Variants in RSRP1 observed in about 807,000 individuals in gnomAD.
The protein encoded by RSRP1 is arginine/serine-rich protein 1.
RSRP1 carries 37 observed loss-of-function variants against 33.0 expected under a neutral mutation model. That is an observed-to-expected ratio of 1.12 (90% confidence interval 0.86 to 1.48). The LOEUF is 1.48. Ranked by LOEUF, RSRP1 falls within the 40% of genes most tolerant of loss-of-function variation. The pLI is 0.00. For synonymous variants in RSRP1, 167 were observed against 158.7 expected (o/e 1.05, Z -0.40); for missense variants, 402 against 385.3 (o/e 1.04, Z -0.36).
At position 25,330,810 on chromosome 1, in the gene RSRP1, T is replaced by C. The variant is rs149592553; in HGVS notation, c.-67+7168A>G. Among the ~76,000 whole-genome samples the C allele has an allele frequency of 6.8e-3, 887 of 130,790 alleles. 133 individuals carry two copies. Among genetic ancestry groups the C allele is most frequent in the African/African-American group, 0.022 (847 of 38,390 alleles). 85.8% of individuals were successfully genotyped at this position (130,790 alleles called of 152,430 possible). A position where few individuals can be genotyped will look rare whatever the true frequency, so the allele number is the denominator to read the frequency against. On this transcript the variant is annotated intron_variant, in intron 1 of 1. Transcript: ENST00000561867. ...ACTTAAACAACAGAAATTTATTTCC[T>C]TATAGTTCTGGAGGCTGGAAGTTCA... is the stretch of plus-strand genomic sequence containing the variant.
Position 25,270,277 on chromosome 1 carries a change from G to C in RSRP1, c.-66-23248C>G, listed in dbSNP as rs1293078503. Reference sequence around the variant, plus strand: ...AGAAGCCCATGTTCCTAGACTTTTAGAATTGGAAGAAGACTTAGAAGTAAT... The same window carrying C: ...AGAAGCCCATGTTCCTAGACTTTTACAATTGGAAGAAGACTTAGAAGTAAT... On this transcript the variant is annotated intron_variant, in intron 1 of 1. Coordinates refer to the RSRP1 transcript ENST00000561867. Among the ~76,000 whole-genome samples, 3 of 129,744 alleles carry C rather than the reference G, an allele frequency of 2.3e-5. 1 individual carries two copies. The highest frequency in any genetic ancestry group is 8.0e-5 in the African/African-American group (3 of 37,562). The allele number at this position is 129,744 out of a possible 152,430, so 85.1% of individuals were successfully genotyped here.
intron 1 of RSRP1, among the ~76,000 whole-genome samples, chr1:25,319,847 C>G (rs558633166): frequency 7.6e-6 from 1 of 132,070 alleles, no homozygotes; most frequent in Admixed American, 7.4e-5. Flanking sequence ...GTAAAGTACA[C>G]CAGCAGAAGT....
At position 25,254,538 on chromosome 1, in the gene RSRP1, C is replaced by T. The variant is rs554372582; in HGVS notation, c.-66-7509G>A. 6.6e-5 allele frequency among the ~76,000 whole-genome samples: 10 copies of T among 152,266 alleles called. No homozygotes were observed. The East Asian group carries it at 9.6e-4, about 15-fold the overall frequency. On this transcript the variant is annotated intron_variant, in intron 1 of 1. Transcript: ENST00000561867. ...GCAACTTCCACCTCCCCAGTTCAAG[C>T]GATTCTCCTGCCTCAGCCTCCTGAG...
chr1:25,257,529 A>G (rs944993694), intron 1 of RSRP1, among the ~76,000 whole-genome samples: 1 of 152,178 alleles, frequency 6.6e-6, no homozygotes, highest in African/African-American at 2.4e-5. Flanking sequence ...GGGATAGAAG[A>G]AAAACTAGCT....
At chr1:25,314,511 T>G (rs1430292377) in intron 1 of RSRP1, among the ~76,000 whole-genome samples, 1 of 132,612 alleles carries the variant, frequency 7.5e-6, no homozygotes, top group African/African-American at 2.6e-5. Flanking sequence ...TCTTTCTTTT[T>G]GAAACAGAGT....
chr1:25,315,532 T>C (rs1353243028), intron 1 of RSRP1, among the ~76,000 whole-genome samples: 2 of 122,020 alleles, frequency 1.6e-5, no homozygotes, highest in East Asian at 4.0e-4. Context: ...AGTCTCGCTG[T>C]GTTGCCCAGG....
rs71014353 is a variant in RSRP1, at chr1:25,330,953, C to CTTT, written c.-67+7022_-67+7024dup. Among the ~76,000 whole-genome samples, 90 of 34,732 alleles carry CTTT rather than the reference C, an allele frequency of 2.6e-3. 9 individuals are homozygous for CTTT. The highest frequency in any genetic ancestry group is 4.4e-3 in the Non-Finnish European group (77 of 17,356). The allele number at this position is 34,732 out of a possible 152,430, so 22.8% of individuals were successfully genotyped here. On this transcript the variant is annotated intron_variant, in intron 1 of 1. Coordinates refer to the RSRP1 transcript ENST00000561867. ...CTTTTACACTTCTGGTGTCATCTTC[C>CTTT]TTTTTTTTTTTTTTTTTTTTTTTTT...
At chr1:25,245,554 T>A (rs1364597277) in intron 2 of RSRP1, among the ~76,000 whole-genome samples, 1 of 152,202 alleles carries the variant, frequency 6.6e-6, no homozygotes, top group Non-Finnish European at 1.5e-5. Flanking sequence ...AAACCCCAAG[T>A]GTGCGCGAGG....
At chr1:25,280,579 T>A (rs1641398488) in intron 1 of RSRP1, among the ~76,000 whole-genome samples, 1 of 125,108 alleles carries the variant, frequency 8.0e-6, no homozygotes, top group Non-Finnish European at 1.9e-5. Flanking sequence ...GTGCTAGGAT[T>A]ACAGACATAA....
Position 25,242,499 on chromosome 1 carries a change from G to A in RSRP1, c.*90C>T, listed in dbSNP as rs1052515777. On this transcript the variant is annotated 3_prime_UTR_variant, in exon 5 of 5. Coordinates refer to ENST00000243189, the MANE Select transcript of RSRP1 (RefSeq NM_020317.5). ...GGTTTTTAAATGCACAAGTACCCCT[G>A]AATGGCTCAAAGGGATGGGATAATG... 1 of 763,436 alleles carries A rather than the reference G, an allele frequency of 1.3e-6. No individual in the cohort carries two copies. The highest frequency in any genetic ancestry group is 2.2e-6 in the Non-Finnish European group (1 of 453,690). The allele number at this position is 763,436 out of a possible 1,614,324, so 47.3% of individuals were successfully genotyped here.
In RSRP1 at chr1:25,243,562, A is replaced by T. The variant is rs1214891402; in HGVS notation, c.744T>A (p.Ala248=). 2 of 1,613,680 alleles carry T rather than the reference A, an allele frequency of 1.2e-6. No homozygotes were observed. Among genetic ancestry groups the T allele is most frequent in the Non-Finnish European group, 1.7e-6 (2 of 1,179,858 alleles). The part of the protein sequence containing the change: ...NEKPTQQRSI[A]FSSNNSVAKP... ...TGGATATACTTACATTAGAGCTAAA[A>T]GCTATGCTTCTTTGCTGGGTAGGTT... The change falls in exon 4 of 5, where the codon GCT becomes GCA. Residue 248 remains alanine, a synonymous_variant. Coordinates refer to ENST00000243189, the MANE Select transcript of RSRP1 (RefSeq NM_020317.5).
Position 25,319,085 on chromosome 1 carries a change from T to C in RSRP1, c.-67+18893A>G, listed in dbSNP as rs1354046589. 2.3e-5 allele frequency among the ~76,000 whole-genome samples: 3 copies of C among 132,366 alleles called. 1 individual carries two copies. The highest frequency in any genetic ancestry group is 7.7e-5 in the African/African-American group (3 of 38,848). 86.8% of individuals were successfully genotyped at this position (132,366 alleles called of 152,430 possible). A position where few individuals can be genotyped will look rare whatever the true frequency, so the allele number is the denominator to read the frequency against. On this transcript the variant is annotated intron_variant, in intron 1 of 1. Transcript: ENST00000561867. ...TGTCTGTTTTTAAATTTGAAATGAA[T>C]TGGGTATCCTGCATTTTATTTGGCA...
Position 25,247,004 on chromosome 1 carries a change from TC to T in RSRP1, c.-42del. 1 of 1,513,888 alleles carries T rather than the reference TC, an allele frequency of 6.6e-7. No individual in the cohort carries two copies. Among genetic ancestry groups the T allele is most frequent in the Non-Finnish European group, 8.9e-7 (1 of 1,127,532 alleles). The allele number at this position is 1,513,888 out of a possible 1,614,324, so 93.8% of individuals were successfully genotyped here. ...TAGCCTGCGCTTTCTCCGGAAAGGA[TC>T]CCGCAAGCCTCAACTCAGGACTTCC... On this transcript the variant is annotated 5_prime_UTR_variant, in exon 2 of 5. Transcript: ENST00000243189.
Position 25,242,525 on chromosome 1 carries a change from C to G in RSRP1, c.*64G>C. 9.8e-7 allele frequency: 1 copy of G among 1,025,366 alleles called. No homozygotes were observed. The highest frequency in any genetic ancestry group is 1.4e-5 in the South Asian group (1 of 71,630). The allele number at this position is 1,025,366 out of a possible 1,614,324, so 63.5% of individuals were successfully genotyped here. On this transcript the variant is annotated 3_prime_UTR_variant, in exon 5 of 5. Transcript: ENST00000243189. ...AATGGCTCAAAGGGATGGGATAATGCTAGAAACACTAACTTGCAATAAAGT... is the reference window on the plus strand; with the variant it reads ...AATGGCTCAAAGGGATGGGATAATGGTAGAAACACTAACTTGCAATAAAGT...
At chr1:25,272,869 T>G (rs1640614614) in intron 1 of RSRP1, among the ~76,000 whole-genome samples, 1 of 131,732 alleles carries the variant, frequency 7.6e-6, no homozygotes, top group Non-Finnish European at 1.8e-5. Context: ...TAAGCTTTCC[T>G]TTAGAAGCAG....
rs185598292 is a variant in RSRP1 at position 25,329,613 on chromosome 1, C to T, written c.-67+8365G>A. Reference sequence around the variant, plus strand: ...TTGACATGACTGCAATCATGTGCTTCATAGAAACTTAATTAGATTATACCA... The same window carrying T: ...TTGACATGACTGCAATCATGTGCTTTATAGAAACTTAATTAGATTATACCA... On this transcript the variant is annotated intron_variant, in intron 1 of 1. Coordinates refer to the RSRP1 transcript ENST00000561867. 92 of 138,074 alleles carry T rather than the reference C, an allele frequency of 6.7e-4. 11 individuals carry two copies. The highest frequency in any genetic ancestry group is 2.0e-3 in the African/African-American group (76 of 38,004). The allele number at this position is 138,074 out of a possible 1,614,324, so 8.6% of individuals were successfully genotyped here. A position where few individuals can be genotyped will look rare whatever the true frequency, so the allele number is the denominator to read the frequency against.
chr1:25,252,567 C>A (rs1639823062), intron 1 of RSRP1, among the ~76,000 whole-genome samples: 1 of 145,372 alleles, frequency 6.9e-6, no homozygotes, highest in East Asian at 2.1e-4. Context: ...GAGTTTCACT[C>A]TTGTTGCCCA....
At chr1:25,254,764 G>T (rs1030729345) in intron 1 of RSRP1, among the ~76,000 whole-genome samples, 8 of 152,064 alleles carry the variant, frequency 5.3e-5, no homozygotes, top group Non-Finnish European at 8.8e-5. Context: ...ATTCAGCTTT[G>T]GGGGGTGTCT....
intron 1 of RSRP1, among the ~76,000 whole-genome samples, chr1:25,261,650 T>C (rs1467528292): frequency 6.6e-6 from 1 of 150,974 alleles, no homozygotes; most frequent in Admixed American, 6.6e-5. Flanking sequence ...GTGATCCACC[T>C]GCCTCAGCCT....
Sources: allele counts gnomAD v4.1 joint callset (sites outside exome capture counted in the v4.1 genomes callset), GRCh38; gene constraint gnomAD v4.1.1; transcripts MANE v1.5; gene names NCBI Gene and HGNC (gene_info 2026-07-23, HGNC 2026-07-21).